Variants in PDE9A observed in about 807,000 individuals in gnomAD.
PDE9A encodes the protein high affinity cGMP-specific 3',5'-cyclic phosphodiesterase 9A.
Under a neutral mutation model 87.4 loss-of-function variants are expected in PDE9A, and 60 were observed. The observed-to-expected ratio is 0.69, with a 90% CI of 0.56 to 0.85. PDE9A has a LOEUF of 0.85. Among genes scored for constraint, PDE9A ranks in the 40% least tolerant of loss-of-function variants. The pLI is 0.00. For synonymous variants in PDE9A, 272 were observed against 279.4 expected (o/e 0.97, Z 0.27); for missense variants, 665 against 779.0 (o/e 0.85, Z 1.74).
In PDE9A at chr21:42,723,606, G is replaced by A. The variant is rs1020218138; in HGVS notation, c.263-8164G>A. On this transcript the variant is annotated intron_variant, in intron 4 of 19. Transcript: ENST00000291539. The surrounding 1 kb of genome is among the most constrained non-coding windows in gnomAD (Gnocchi z 4.3). ...GAAATCCACTCTAGCATGCAGACTC[G>A]GGGGCACTTTTAGATATTCTATTGG... 5.3e-5 allele frequency among the ~76,000 whole-genome samples: 8 copies of A among 152,140 alleles called. No individual in the cohort carries two copies. The highest frequency in any genetic ancestry group is 4.1e-4 in the South Asian group (2 of 4,822).
intron 6 of PDE9A, among the ~76,000 whole-genome samples, chr21:42,732,456 C>T (rs768485648): frequency 1.2e-4 from 18 of 152,242 alleles, no homozygotes; most frequent in Non-Finnish European, 1.6e-4. Flanking sequence ...TAAGCTTCCT[C>T]GCTGAGCTTC....
chr21:42,747,864 G>A (rs1421889210), intron 8 of PDE9A, among the ~76,000 whole-genome samples: 7 of 152,254 alleles, frequency 4.6e-5, no homozygotes, highest in African/African-American at 1.7e-4. Flanking sequence ...CCAGAGAAGG[G>A]GGATGGGGAC....
At chr21:42,710,003 A>G (rs997088192) in intron 4 of PDE9A, among the ~76,000 whole-genome samples, 1 of 152,136 alleles carries the variant, frequency 6.6e-6, no homozygotes. Context: ...ATTATTGTAC[A>G]AGTCTTATTG....
chr21:42,744,045 T>G (rs1332681160), intron 8 of PDE9A, among the ~76,000 whole-genome samples, 185 bp downstream of exon 8: 1 of 152,152 alleles, frequency 6.6e-6, no homozygotes, highest in African/African-American at 2.4e-5. Context: ...GTGGTGTGAC[T>G]TTCTTCTAAC....
chr21:42,690,069 T>C (rs4591432), intron 3 of PDE9A: 102 of 975,982 alleles, frequency 1.0e-4, no homozygotes, highest in Admixed American at 1.9e-4. Context: ...AAGATGGAGG[T>C]AGACGCGGGT....
chr21:42,689,711 C>T (rs2059684977), intron 3 of PDE9A: 1 of 985,326 alleles, frequency 1.0e-6, no homozygotes, highest in Admixed American at 6.1e-5. Context: ...CAGTATCAGA[C>T]ACACCAGACA....
At position 42,724,542 on chromosome 21, in the gene PDE9A, C is replaced by T. The variant is rs575769210; in HGVS notation, c.263-7228C>T. On this transcript the variant is annotated intron_variant, in intron 4 of 19. Transcript: ENST00000291539. ...GCCTTTGTGCACACTGGTGGTTTTG[C>T]TTCTTTCCCCCAGCAAAAGAATGCA... 2.8e-4 allele frequency: 271 copies of T among 982,484 alleles called. 2 individuals carry two copies. In the Middle Eastern group the frequency reaches 5.2e-3, roughly 19 times the overall value. 60.9% of individuals were successfully genotyped at this position (982,484 alleles called of 1,614,324 possible). A position where few individuals can be genotyped will look rare whatever the true frequency, so the allele number is the denominator to read the frequency against.
intron 19 of PDE9A, among the ~76,000 whole-genome samples, chr21:42,773,494 G>A (rs953334081): frequency 2.6e-5 from 4 of 152,068 alleles, no homozygotes; most frequent in Non-Finnish European, 4.4e-5. Flanking sequence ...CAGAGCAGCC[G>A]TTTGTTCACC....
chr21:42,690,079 T>C (rs1199543205), intron 3 of PDE9A: 1 of 984,578 alleles, frequency 1.0e-6, no homozygotes, highest in Non-Finnish European at 1.2e-6. Flanking sequence ...TAGACGCGGG[T>C]GAGGATACAG....
chr21:42,670,352 A>AC (rs1299258172), intron 1 of PDE9A, among the ~76,000 whole-genome samples: 19 of 96,906 alleles, frequency 2.0e-4, no homozygotes, highest in African/African-American at 1.7e-3. Context: ...ACATTTACAC[A>AC]CACATCCACA....
intron 1 of PDE9A, among the ~76,000 whole-genome samples, chr21:42,668,467 AAG>A (rs1404248184): frequency 1.3e-5 from 2 of 152,172 alleles, no homozygotes; most frequent in African/African-American, 4.8e-5. Flanking sequence ...TCCAGGAGTC[AAG>A]CAGATTGCAA....
intron 19 of PDE9A, among the ~76,000 whole-genome samples, 176 bp from the exon 20 acceptor site, chr21:42,775,104 G>C (rs918891347): frequency 6.6e-6 from 1 of 151,820 alleles, no homozygotes; most frequent in African/African-American, 2.4e-5. Flanking sequence ...ACCACGCCTG[G>C]CTAATTTTTC....
intron 9 of PDE9A, among the ~76,000 whole-genome samples, chr21:42,753,536 T>C (rs116091706): frequency 0.011 from 1,721 of 152,254 alleles, 33 homozygotes; most frequent in African/African-American, 0.039. Flanking sequence ...CAGAAGTATG[T>C]GGCCTGTGAG....
At chr21:42,657,336 A>G (rs1242407870) in intron 1 of PDE9A, among the ~76,000 whole-genome samples, 1 of 152,038 alleles carries the variant, frequency 6.6e-6, no homozygotes, top group African/African-American at 2.4e-5. Context: ...GTCACCCCCA[A>G]CCCCGTGTCT....
chr21:42,664,459 C>T (rs2057823718), intron 1 of PDE9A, among the ~76,000 whole-genome samples: 1 of 152,200 alleles, frequency 6.6e-6, no homozygotes, highest in Admixed American at 6.5e-5. Flanking sequence ...GGGGTTCTAC[C>T]TGCTTTCCGG....
At chr21:42,751,293 T>G in intron 9 of PDE9A, 96 bp downstream of exon 9, 1 of 889,128 alleles carries the variant, frequency 1.1e-6, no homozygotes, top group Non-Finnish European at 1.9e-6. Context: ...TGTGTGTACG[T>G]TCACATCAAC....
At chr21:42,738,205 GCTGACCGGCTGGGGCAAAGTTTAA>G (rs2052676294) in intron 7 of PDE9A, among the ~76,000 whole-genome samples, 1 of 152,232 alleles carries the variant, frequency 6.6e-6, no homozygotes, top group South Asian at 2.1e-4. Flanking sequence ...CGTGGCAGGA[GCTGACCGGCTGGGGCAAAGTTTAA>G]CACAGGCCAT....
intron 18 of PDE9A, 122 bp from the exon 19 acceptor site, chr21:42,772,317 G>A (rs2057094259): frequency 3.1e-6 from 2 of 654,432 alleles, no homozygotes; most frequent in African/African-American, 1.8e-5. Flanking sequence ...GCTCAGAGGG[G>A]CTGGGGACCA....
intron 4 of PDE9A, among the ~76,000 whole-genome samples, chr21:42,701,859 A>G (rs374241917): frequency 1.6e-4 from 24 of 152,094 alleles, no homozygotes; most frequent in Admixed American, 1.6e-3. Context: ...GAAGTCTGTG[A>G]TGTCTTATCT....
Sources: gnomAD v4.1 joint callset for allele counts (sites outside exome capture counted in the v4.1 genomes callset) on GRCh38, gnomAD v4.1.1 for gene constraint, Gnocchi (gnomAD v3.1) non-coding constraint, MANE v1.5 for transcripts, NCBI Gene and HGNC (gene_info 2026-07-23, HGNC 2026-07-21) for gene names.